SHLD1: variants seen among roughly 807,000 people sequenced by gnomAD.
SHLD1 encodes the protein shieldin complex subunit 1.
SHLD1 carries 3 observed loss-of-function variants against 5.5 expected under a neutral mutation model. The observed-to-expected ratio is 0.54, with a 90% CI of 0.25 to 1.40. SHLD1 has a LOEUF of 1.40. SHLD1 is among the 40% of genes most tolerant of loss of function. The probability of loss-of-function intolerance (pLI) is 0.15; values close to 1 mark genes in which losing one functional copy is unlikely to be tolerated. For missense variants in SHLD1, 210 were observed against 244.4 expected (o/e 0.86, Z 0.94); for synonymous variants, 92 against 94.3 (o/e 0.98, Z 0.14).
intron 2 of SHLD1, among the ~76,000 whole-genome samples, chr20:5,832,550 G>A (rs2087741171): frequency 6.6e-6 from 1 of 152,044 alleles, no homozygotes; most frequent in South Asian, 2.1e-4. Context: ...TGATCCACCT[G>A]CCTCAGTCTC....
intron 1 of SHLD1, among the ~76,000 whole-genome samples, chr20:5,765,998 T>C (rs1984812045): frequency 6.6e-6 from 1 of 152,090 alleles, no homozygotes; most frequent in African/African-American, 2.4e-5. Flanking sequence ...AAAGAAAATA[T>C]AGGTATCATT....
At chr20:5,803,879 A>T (rs1405683055) in intron 2 of SHLD1, among the ~76,000 whole-genome samples, 2 of 140,220 alleles carry the variant, frequency 1.4e-5, no homozygotes, top group Non-Finnish European at 3.1e-5. Flanking sequence ...TCAAAAAAAT[A>T]AAAAAGATTA....
intron 2 of SHLD1, among the ~76,000 whole-genome samples, chr20:5,833,910 A>C (rs1211051050): frequency 6.6e-6 from 1 of 152,164 alleles, no homozygotes; most frequent in Non-Finnish European, 1.5e-5. Flanking sequence ...CTTAGCCTAC[A>C]TTCAGTTACC....
chr20:5,755,618 G>GA (rs1984038826), intron 1 of SHLD1, among the ~76,000 whole-genome samples: 1 of 151,784 alleles, frequency 6.6e-6, no homozygotes, highest in Admixed American at 6.6e-5. Flanking sequence ...GGAGTGGAAT[G>GA]GTGTCATCTA....
intron 1 of SHLD1, among the ~76,000 whole-genome samples, chr20:5,754,809 A>G (rs1185216786): frequency 6.6e-6 from 1 of 152,132 alleles, no homozygotes; most frequent in Non-Finnish European, 1.5e-5. Context: ...TAATGCCAGC[A>G]CTTTGGGAGG....
intron 1 of SHLD1, among the ~76,000 whole-genome samples, chr20:5,753,095 G>A (rs1983858297): frequency 6.6e-6 from 1 of 152,080 alleles, no homozygotes; most frequent in East Asian, 1.9e-4. Flanking sequence ...CACCGCACCT[G>A]GCCGACATAA....
rs77164357 is a variant in SHLD1, at chr20:5,831,122, G to A, written c.179-31902G>A. ...GCTTCGTGCTGGCTTATGAGAAAAG[G>A]AACACCACAGCAGTGCAGACCATTG... On this transcript the variant is annotated intron_variant, in intron 2 of 2. Coordinates refer to ENST00000303142, the MANE Select transcript of SHLD1 (RefSeq NM_152504.4). Among the ~76,000 whole-genome samples the A allele has an allele frequency of 2.4e-3, 371 of 152,276 alleles. 2 individuals carry two copies. Among genetic ancestry groups the A allele is most frequent in the Non-Finnish European group, 4.1e-3 (282 of 68,016 alleles).
intron 2 of SHLD1, among the ~76,000 whole-genome samples, chr20:5,779,393 T>C (rs184909062): frequency 2.4e-4 from 36 of 152,306 alleles, no homozygotes; most frequent in Admixed American, 2.2e-3. Flanking sequence ...TTTTCATTTA[T>C]AAGTTGAGTC....
chr20:5,828,552 A>G (rs181452794), intron 2 of SHLD1, among the ~76,000 whole-genome samples: 1 of 152,284 alleles, frequency 6.6e-6, no homozygotes, highest in Admixed American at 6.5e-5. Flanking sequence ...CTTGCATGGA[A>G]GTAGGTCTTG....
chr20:5,802,772 G>T (rs401373), intron 2 of SHLD1, among the ~76,000 whole-genome samples: 58,084 of 151,808 alleles, frequency 0.38, 11,564 homozygotes, highest in African/African-American at 0.5. Context: ...TCAGCCTCCT[G>T]GGTAGCTGGG....
At chr20:5,811,642 C>A (rs1273565310) in intron 2 of SHLD1, among the ~76,000 whole-genome samples, 1 of 152,008 alleles carries the variant, frequency 6.6e-6, no homozygotes, top group African/African-American at 2.4e-5. Flanking sequence ...ATTGCTTGAG[C>A]CCAGGAGTTC....
intron 2 of SHLD1, among the ~76,000 whole-genome samples, chr20:5,818,744 T>C (rs1345255003): frequency 2.0e-5 from 3 of 152,150 alleles, no homozygotes; most frequent in Non-Finnish European, 2.9e-5. Context: ...AGGTGATTGA[T>C]TGGATCTTAC....
At chr20:5,849,953 G>A (rs1257064576) in intron 2 of SHLD1, among the ~76,000 whole-genome samples, 16 of 127,072 alleles carry the variant, frequency 1.3e-4, no homozygotes, top group Admixed American at 3.3e-4. Context: ...GCGACAGAGC[G>A]AGACTCCGTC....
Position 5,863,322 on chromosome 20 carries a change from C to A in SHLD1, c.477C>A (p.Val159=). 1 of 1,614,228 alleles carries A rather than the reference C, an allele frequency of 6.2e-7. No individual in the cohort carries two copies. The highest frequency in any genetic ancestry group is 2.2e-5 in the East Asian group (1 of 44,882). The part of the protein sequence containing the change: ...RVIFNRDGCS[V]LQRHSRDTHF... The stretch of plus-strand genomic sequence containing the variant: ...TCTTCAACCGGGACGGCTGCTCCGT[C>A]TTACAGAGGCATTCCAGGGACACCC... The change falls in exon 3 of 3, where the codon GTC becomes GTA. Residue 159 remains valine, a synonymous_variant. Transcript: ENST00000303142.
At chr20:5,859,179 A>G (rs985960324) in intron 2 of SHLD1, among the ~76,000 whole-genome samples, 2 of 152,164 alleles carry the variant, frequency 1.3e-5, no homozygotes, top group African/African-American at 2.4e-5. Context: ...CAACAGCAAA[A>G]GTCTCTTAGG....
intron 1 of SHLD1, among the ~76,000 whole-genome samples, chr20:5,763,430 T>G (rs527368276): frequency 5.3e-5 from 8 of 152,144 alleles, no homozygotes; most frequent in Non-Finnish European, 1.2e-4. Context: ...CAAGAAGCTG[T>G]CTTTCCTTTT....
At chr20:5,753,582 A>T (rs1383342015) in intron 1 of SHLD1, among the ~76,000 whole-genome samples, 1 of 152,260 alleles carries the variant, frequency 6.6e-6, no homozygotes, top group East Asian at 1.9e-4. Flanking sequence ...AAATGCCGGC[A>T]GCTGTGCCAC....
At chr20:5,764,527 CAAAAAAAAAAA>C (rs375996514) in intron 1 of SHLD1, among the ~76,000 whole-genome samples, 1 of 111,106 alleles carries the variant, frequency 9.0e-6, no homozygotes, top group African/African-American at 3.5e-5. Context: ...GACCTTGTCT[CAAAAAAAAAAA>C]AAAAAAAAAA....
chr20:5,817,432 C>CTCTCTCTCTCTGTGTGTGTGTG (rs1473391202), intron 2 of SHLD1, among the ~76,000 whole-genome samples: 5 of 85,654 alleles, frequency 5.8e-5, no homozygotes, highest in African/African-American at 2.8e-4. Context: ...CTCTCTCTCT[C>CTCTCTCTCTCTGTGTGTGTGTG]TGTGTGTGTG....
Sources: allele counts gnomAD v4.1 joint callset (sites outside exome capture counted in the v4.1 genomes callset), GRCh38; gene constraint gnomAD v4.1.1; transcripts MANE v1.5; gene names NCBI Gene and HGNC (gene_info 2026-07-23, HGNC 2026-07-21).